Variants in CACNA1E observed in about 807,000 individuals in gnomAD.
CACNA1E encodes the protein voltage-dependent R-type calcium channel subunit alpha-1E.
CACNA1E carries 40 observed loss-of-function variants against 259.2 expected under a neutral mutation model. The ratio of observed to expected loss-of-function variants is 0.15; its 90% CI spans 0.12 to 0.20. The LOEUF is 0.20. Ranked by LOEUF, CACNA1E falls within the 10% of genes least tolerant of loss-of-function variation. CACNA1E has a pLI of 1.00. For missense variants in CACNA1E, 1,874 were observed against 3,040.1 expected, an observed-to-expected ratio of 0.62 and a Z score of 9.02; for synonymous variants, 1,104 against 1,138.5, an observed-to-expected ratio of 0.97 and a Z score of 0.61.
intron 1 of CACNA1E, among the ~76,000 whole-genome samples, chr1:181,373,698 C>T (rs139058998): frequency 4.6e-5 from 7 of 151,968 alleles, no homozygotes; most frequent in East Asian, 1.9e-4. Flanking sequence ...CCACTACGCC[C>T]GGCTAACTTT....
At chr1:181,745,587 A>G (rs1288967302) in intron 25 of CACNA1E, among the ~76,000 whole-genome samples, 1 of 152,106 alleles carries the variant, frequency 6.6e-6, no homozygotes, top group Non-Finnish European at 1.5e-5. Flanking sequence ...AGTAGATTTT[A>G]GAGTAACTTG....
intron 25 of CACNA1E, among the ~76,000 whole-genome samples, chr1:181,746,304 A>G (rs1657079652): frequency 1.3e-5 from 2 of 152,248 alleles, no homozygotes; most frequent in South Asian, 4.1e-4. Context: ...TAGAATTTTT[A>G]AAGTGCTTTC....
chr1:181,806,532 A>G lies in CACNA1E; in HGVS notation c.*7698A>G, dbSNP rs1206527238. The G allele has an allele frequency of 2.0e-5, 3 of 152,162 alleles. No homozygotes were observed. Among genetic ancestry groups the G allele is most frequent in the Non-Finnish European group, 4.4e-5 (3 of 68,024 alleles). The allele number at this position is 152,162 out of a possible 1,614,324, so 9.4% of individuals were successfully genotyped here. A position where few individuals can be genotyped will look rare whatever the true frequency, so the allele number is the denominator to read the frequency against. ...AAGACACCTCCTTAGGGCAGCATCC[A>G]CTGTGGTGTGCCAGCCTGACACCCC... On this transcript the variant is annotated 3_prime_UTR_variant, in exon 48 of 48. Coordinates refer to ENST00000367573, the MANE Select transcript of CACNA1E (RefSeq NM_001205293.3).
In CACNA1E at chr1:181,802,245, T is replaced by TTTC. The variant is rs1331736838; in HGVS notation, c.*3416_*3418dup. 6.6e-6 allele frequency: 1 copy of TTTC among 152,296 alleles called. No individual in the cohort carries two copies. Among genetic ancestry groups the TTTC allele is most frequent in the East Asian group, 1.9e-4 (1 of 5,194 alleles). 9.4% of individuals were successfully genotyped at this position (152,296 alleles called of 1,614,324 possible). On this transcript the variant is annotated 3_prime_UTR_variant, in exon 48 of 48. Transcript: ENST00000367573. ...TGCTCTTCTGGCTGAAGAATCTGTTTTTCTTCTGGGCTTCACTTGTAGTTC... is the reference window on the plus strand; with the variant it reads ...TGCTCTTCTGGCTGAAGAATCTGTTTTTCTTCTTCTGGGCTTCACTTGTAGTTC...
At chr1:181,741,437 A>G (rs975608684) in intron 25 of CACNA1E, among the ~76,000 whole-genome samples, 3 of 152,222 alleles carry the variant, frequency 2.0e-5, no homozygotes. Context: ...TCCCCTCCTC[A>G]TCCTTCCATT....
At chr1:181,458,829 CCATCCAT>C (rs1661621280) in intron 2 of CACNA1E, among the ~76,000 whole-genome samples, 1 of 30,510 alleles carries the variant, frequency 3.3e-5, no homozygotes, top group Non-Finnish European at 6.5e-5. Context: ...ATTTACCCAT[CCATCCAT>C]CCATCCATCC....
intron 1 of CACNA1E, among the ~76,000 whole-genome samples, chr1:181,373,598 C>T (rs192828666): frequency 1.4e-5 from 2 of 143,582 alleles, no homozygotes; most frequent in Non-Finnish European, 3.0e-5. Context: ...AGTGCAGTGG[C>T]GCAATCTCGG....
At chr1:181,400,723 C>T (rs368621491) in intron 1 of CACNA1E, among the ~76,000 whole-genome samples, 3 of 152,136 alleles carry the variant, frequency 2.0e-5, no homozygotes, top group South Asian at 2.1e-4. Context: ...GTGGCCATCA[C>T]GGGCTCTCTC....
chr1:181,733,333 C>A, intron 20 of CACNA1E, 104 bp from the exon 21 acceptor site: 5 of 1,050,076 alleles, frequency 4.8e-6, no homozygotes, highest in Non-Finnish European at 6.8e-6. Context: ...TGGCCTTGTA[C>A]CTTCCAGGCT....
rs578076721 is a variant in CACNA1E at position 181,377,111 on chromosome 1, C to T, written c.-14-36022C>T. ...GTGCCTAGGTCTATGACAACAAGCA[C>T]TTATAAAGAACGTAAAAAGGGGTTA... On this transcript the variant is annotated intron_variant, in intron 1 of 11. Coordinates refer to the CACNA1E transcript ENST00000524607. Among the ~76,000 whole-genome samples, 100 of 152,218 alleles carry T rather than the reference C, an allele frequency of 6.6e-4. 2 individuals are homozygous for T. The highest frequency in any genetic ancestry group is 6.5e-3 in the Admixed American group (99 of 15,298).
In CACNA1E at chr1:181,664,520, C is replaced by T. The variant is rs1442599965; in HGVS notation, c.1055+13079C>T. Among the ~76,000 whole-genome samples, 3 of 152,130 alleles carry T rather than the reference C, an allele frequency of 2.0e-5. No homozygotes were observed. The East Asian group carries it at 5.8e-4, about 29-fold the overall frequency. On this transcript the variant is annotated intron_variant, in intron 7 of 47. Transcript: ENST00000367573. ...TCAGCACCAACACCCTGAAATTGCC[C>T]TGTATTGATAACGCTATGGGCTGTG...
chr1:181,648,198 T>C (rs1352756860), intron 6 of CACNA1E, among the ~76,000 whole-genome samples: 1 of 152,216 alleles, frequency 6.6e-6, no homozygotes, highest in African/African-American at 2.4e-5. Context: ...AGAATCTTCA[T>C]ATTAGAATTG....
chr1:181,661,945 T>C (rs1355991401), intron 7 of CACNA1E, among the ~76,000 whole-genome samples: 2 of 152,202 alleles, frequency 1.3e-5, no homozygotes, highest in Admixed American at 6.5e-5. Flanking sequence ...AAATTATCTG[T>C]CATCTAGTAC....
chr1:181,460,030 C>T (rs770721942), intron 2 of CACNA1E, among the ~76,000 whole-genome samples: 16 of 152,144 alleles, frequency 1.1e-4, no homozygotes, highest in Non-Finnish European at 1.5e-4. Flanking sequence ...TGCTTCCTTG[C>T]GTTTGCATAC....
In CACNA1E at chr1:181,645,379, G is replaced by C. The variant is rs549000140; in HGVS notation, c.952-5959G>C. Among the ~76,000 whole-genome samples the C allele has an allele frequency of 2.0e-5, 3 of 152,214 alleles. No individual in the cohort carries two copies. The East Asian group carries it at 5.8e-4, about 29-fold the overall frequency. On this transcript the variant is annotated intron_variant, in intron 6 of 47. Transcript: ENST00000367573. ...TAACATCCACACAGAGCTCCAGGGC[G>C]CTGCTACTGCAAGGTAGTAGCAGTT... is the stretch of plus-strand genomic sequence containing the variant.
At chr1:181,644,675 G>C (rs940386064) in intron 6 of CACNA1E, among the ~76,000 whole-genome samples, 5 of 152,122 alleles carry the variant, frequency 3.3e-5, no homozygotes, top group African/African-American at 1.2e-4. Flanking sequence ...AGCTTCTTGT[G>C]GCAGTGTTTT....
intron 7 of CACNA1E, among the ~76,000 whole-genome samples, chr1:181,674,154 C>T (rs1358152772): frequency 4.0e-5 from 6 of 148,728 alleles, no homozygotes; most frequent in African/African-American, 1.5e-4. Flanking sequence ...CCAAGGCGGG[C>T]GGATCACGAG....
intron 7 of CACNA1E, among the ~76,000 whole-genome samples, chr1:181,685,230 GTTTTTTT>G (rs139598690): frequency 6.8e-5 from 7 of 103,450 alleles, no homozygotes; most frequent in Admixed American, 4.6e-4. Flanking sequence ...CCACCTTTAA[GTTTTTTT>G]TTTTTTTTTT....
rs531824649 is a variant in CACNA1E, at chr1:181,563,381, T to C, written c.513-14385T>C. ...TGAAAGAGTTATTTGAGAAGGTTTT[T>C]ATAAACTCAAACAGATCCTTTAAAC... On this transcript the variant is annotated intron_variant, in intron 3 of 47. Transcript: ENST00000367573. Among the ~76,000 whole-genome samples, 124 of 152,334 alleles carry C rather than the reference T, an allele frequency of 8.1e-4. 2 individuals carry two copies. In the South Asian group the frequency reaches 0.024, roughly 30 times the overall value.
Sources: allele counts gnomAD v4.1 joint callset (sites outside exome capture counted in the v4.1 genomes callset), GRCh38; gene constraint gnomAD v4.1.1; transcripts MANE v1.5; gene names NCBI Gene and HGNC (gene_info 2026-07-23, HGNC 2026-07-21).